MYH8: variants seen among roughly 807,000 people sequenced by gnomAD.
The protein encoded by MYH8 is myosin-8.
MYH8 carries 168 observed loss-of-function variants against 233.2 expected under a neutral mutation model. The ratio of observed to expected loss-of-function variants is 0.72; its 90% CI spans 0.64 to 0.82. The LOEUF is 0.82. MYH8 is among the 40% of genes least tolerant of loss of function. MYH8 has a pLI of 0.00. For synonymous variants in MYH8, 785 were observed against 850.6 expected (o/e 0.92, Z 1.34); for missense variants, 1,995 against 2,327.8 (o/e 0.86, Z 2.94).
chr17:10,415,844 C>T lies in MYH8; in HGVS notation c.512-136G>A. On this transcript the variant is annotated intron_variant, in intron 5 of 39. Coordinates refer to ENST00000403437, the MANE Select transcript of MYH8 (RefSeq NM_002472.3). This position sits in a 1 kb window ranked among gnomAD's most constrained non-coding sequence, Gnocchi z 4.1. ...CCTTTGGTTTTGATTTTGTGTTTATCCTCCAAAATAGCCAATTGCTTCTCA... is the reference window on the plus strand; with the variant it reads ...CCTTTGGTTTTGATTTTGTGTTTATTCTCCAAAATAGCCAATTGCTTCTCA... The T allele has an allele frequency of 1.0e-6, 1 of 963,796 alleles. No homozygotes were observed. The highest frequency in any genetic ancestry group is 1.5e-5 in the South Asian group (1 of 65,764). The allele number at this position is 963,796 out of a possible 1,614,324, so 59.7% of individuals were successfully genotyped here. A position where few individuals can be genotyped will look rare whatever the true frequency, so the allele number is the denominator to read the frequency against.
intron 17 of MYH8, 134 bp downstream of exon 17, chr17:10,408,963 G>T: frequency 1.3e-6 from 1 of 798,090 alleles, no homozygotes; most frequent in Non-Finnish European, 2.1e-6. Flanking sequence ...TATTTCTTTG[G>T]CTATACTCTG....
rs939463694 is a variant in MYH8, at chr17:10,420,115, G to A, written c.113C>T (p.Thr38Ile). 6.2e-7 allele frequency: 1 copy of A among 1,614,238 alleles called. No homozygotes were observed. Among genetic ancestry groups the A allele is most frequent in the Non-Finnish European group, 8.5e-7 (1 of 1,180,038 alleles). ...CTTGGGCTCCGCCACAAAGACAGAT[G>A]TTTTAGCATCAAACGGCTTGTTTTG... ...EAQNKPFDAK[T>I]SVFVAEPKES... The change falls in exon 3 of 40, where the codon ACA becomes ATA. Residue 38 changes from threonine to isoleucine, a missense_variant. Coordinates refer to ENST00000403437, the MANE Select transcript of MYH8 (RefSeq NM_002472.3).
At chr17:10,392,019 A>T (rs2072030234) in intron 38 of MYH8, 42 bp from the exon 39 acceptor site, 2 of 1,518,964 alleles carry the variant, frequency 1.3e-6, no homozygotes, top group Non-Finnish European at 1.8e-6. Flanking sequence ...TTCCGAAGAG[A>T]TAAGGCTACT....
intron 19 of MYH8, 92 bp downstream of exon 19, chr17:10,406,585 ACCTGTTGTATTAT>A: frequency 7.4e-7 from 1 of 1,348,062 alleles, no homozygotes; most frequent in South Asian, 1.2e-5. Context: ...TATCCTTCTA[ACCTGTTGTATTAT>A]CCTACCACCA....
At chr17:10,393,995 T>TTTTTTTTC (rs2072054594) in intron 35 of MYH8, among the ~76,000 whole-genome samples, 1 of 121,178 alleles carries the variant, frequency 8.3e-6, no homozygotes, top group African/African-American at 3.2e-5. Flanking sequence ...TAATAGCTTT[T>TTTTTTTTC]TTTTTTTTTT....
rs1236792341 is a variant in MYH8, at chr17:10,414,540, T to C, written c.806-56A>G. Reference sequence around the variant, plus strand: ...AAAAGTATCAATGCTTCTGAGATAGTAAATGAACCTCACGTCTTTGGTCAA... The same window carrying C: ...AAAAGTATCAATGCTTCTGAGATAGCAAATGAACCTCACGTCTTTGGTCAA... On this transcript the variant is annotated intron_variant, in intron 9 of 39. Transcript: ENST00000403437. 6 of 1,168,012 alleles carry C rather than the reference T, an allele frequency of 5.1e-6. No individual in the cohort carries two copies. The African/African-American group carries it at 6.1e-5, about 12-fold the overall frequency. The allele number at this position is 1,168,012 out of a possible 1,614,324, so 72.4% of individuals were successfully genotyped here. A position where few individuals can be genotyped will look rare whatever the true frequency, so the allele number is the denominator to read the frequency against.
intron 19 of MYH8, 119 bp downstream of exon 19, chr17:10,406,571 C>G: frequency 7.4e-7 from 1 of 1,346,124 alleles, no homozygotes; most frequent in Admixed American, 1.7e-5. Context: ...TGCCTGCTTC[C>G]TGTTATCCTT....
Position 10,400,689 on chromosome 17 carries a change from G to A in MYH8, c.3436C>T (p.Leu1146=). 3 of 1,614,124 alleles carry A rather than the reference G, an allele frequency of 1.9e-6. No individual in the cohort carries two copies. The highest frequency in any genetic ancestry group is 1.1e-5 in the South Asian group (1 of 91,070). Residue 1146 remains leucine, a synonymous_variant, in exon 27 of 40, where the codon CTG becomes TTG. Transcript: ENST00000403437. The surrounding 1 kb of genome is among the most constrained non-coding windows in gnomAD (Gnocchi z 4.0). Reference sequence around the variant, plus strand: ...TCCAGCCTCTCGCTGATCTCCTCCAGTTCCCGGGAGAGGTCAGAGCGCTGC... The same window carrying A: ...TCCAGCCTCTCGCTGATCTCCTCCAATTCCCGGGAGAGGTCAGAGCGCTGC... The part of the protein sequence containing the change: ...EKQRSDLSRE[L]EEISERLEEA...
chr17:10,404,371 G>C lies in MYH8; in HGVS notation c.2647C>G (p.Leu883Val). Residue 883 changes from leucine to valine, a missense_variant, in exon 22 of 40, where the codon CTC becomes GTC. Around this residue, in one of 3 missense-constraint regions of MYH8, gnomAD observed 1,498 missense variants for 1,680.9 expected, o/e 0.89. Transcript: ENST00000403437. ...TGCAGGTCATTTTTCTCTTTTAAGAGAGTGACCATTTTTTCCTCTAGCTCC... is the reference window on the plus strand; with the variant it reads ...TGCAGGTCATTTTTCTCTTTTAAGACAGTGACCATTTTTTCCTCTAGCTCC... ...RKELEEKMVT[L>V]LKEKNDLQLQ... is the part of the protein sequence containing the mutation. The C allele has an allele frequency of 1.9e-6, 3 of 1,613,974 alleles. No homozygotes were observed. The highest frequency in any genetic ancestry group is 1.6e-4 in the Middle Eastern group (1 of 6,062).
intron 12 of MYH8, 116 bp downstream of exon 12, chr17:10,413,786 G>T: frequency 7.0e-7 from 1 of 1,431,084 alleles, no homozygotes; most frequent in Non-Finnish European, 9.8e-7. Context: ...GTGTGTAAAT[G>T]TGTATATGCC....
At chr17:10,412,243 A>C in intron 14 of MYH8, 127 bp downstream of exon 14, 1 of 1,573,156 alleles carries the variant, frequency 6.4e-7, no homozygotes, top group Non-Finnish European at 8.7e-7. Flanking sequence ...TTTGGAGATA[A>C]CCTTTGTTCT....
intron 22 of MYH8, among the ~76,000 whole-genome samples, chr17:10,403,163 C>T (rs751681801): frequency 1.3e-5 from 2 of 152,038 alleles, no homozygotes; most frequent in Non-Finnish European, 2.9e-5. Flanking sequence ...CTAGATTTAC[C>T]AGTTGCTAAG....
Position 10,392,926 on chromosome 17 carries a change from C to T in MYH8, c.5368G>A (p.Glu1790Lys), listed in dbSNP as rs1287040846. 6.2e-7 allele frequency: 1 copy of T among 1,614,080 alleles called. No homozygotes were observed. Among genetic ancestry groups the T allele is most frequent in the African/African-American group, 1.3e-5 (1 of 74,918 alleles). The change falls in exon 37 of 40, where the codon GAG (glutamate) becomes AAG (lysine). Residue 1790 changes from glutamate to lysine, a missense_variant. Physicochemically the swap from Glu to Lys is moderately conservative, Grantham distance 56. Transcript: ENST00000403437. ...AHLERMKKNL[E>K]QTVKDLQHRL... ...TGCTGCAGGTCCTTCACCGTCTGCT[C>T]CAGGTTCTTCTTCATCCGCTCCAGG...
At chr17:10,391,259 A>G (rs1162475002) in intron 39 of MYH8, among the ~76,000 whole-genome samples, 1 of 152,214 alleles carries the variant, frequency 6.6e-6, no homozygotes, top group Non-Finnish European at 1.5e-5. Context: ...GATTTTTTCT[A>G]TGTCTAGAGG....
At chr17:10,413,491 A>G (rs918803119) in intron 12 of MYH8, among the ~76,000 whole-genome samples, 1 of 152,162 alleles carries the variant, frequency 6.6e-6, no homozygotes, top group Non-Finnish European at 1.5e-5. Context: ...TTGCTTACAG[A>G]TGACTCTAGG....
chr17:10,398,191 T>C (rs1331744005), intron 30 of MYH8, among the ~76,000 whole-genome samples: 1 of 152,206 alleles, frequency 6.6e-6, no homozygotes, highest in African/African-American at 2.4e-5. Context: ...ATTAAGCAGA[T>C]ACTTTTGGGT....
Position 10,404,485 on chromosome 17 carries a change from T to C in MYH8, c.2533A>G (p.Ser845Gly), listed in dbSNP as rs1439837914. 4 of 1,614,116 alleles carry C rather than the reference T, an allele frequency of 2.5e-6. No individual in the cohort carries two copies. Among genetic ancestry groups the C allele is most frequent in the Non-Finnish European group, 3.4e-6 (4 of 1,179,976 alleles). Reference protein sequence around the residue: ...LFFKIKPLLKSAETEKEMATM... With the variant: ...LFFKIKPLLKGAETEKEMATM... ...GCCATCTCTTTCTCGGTCTCTGCAC[T>C]CTTGAGGAGGGGCTTAATCTTGAAA... The change falls in exon 22 of 40, where the codon AGT becomes GGT. Residue 845 changes from serine (S) to glycine (G), a missense_variant. Physicochemically the swap from Ser to Gly is moderately conservative, Grantham distance 56. Around this residue, in one of 3 missense-constraint regions of MYH8, gnomAD observed 1,498 missense variants for 1,680.9 expected, o/e 0.89. Coordinates refer to ENST00000403437, the MANE Select transcript of MYH8 (RefSeq NM_002472.3).
Position 10,396,553 on chromosome 17 carries a change from G to A in MYH8, c.4528C>T (p.Gln1510Ter), listed in dbSNP as rs202040130. 45 of 1,613,956 alleles carry A rather than the reference G, an allele frequency of 2.8e-5. 1 individual carries two copies. The highest frequency in any genetic ancestry group is 1.3e-4 in the South Asian group (12 of 91,056). ...AGTAGGGAGGACTGTGAGGACTCAC[G>A]TTGCAAGTTCTTATTTTCTCTTCTT... is the stretch of plus-strand genomic sequence containing the variant. ...TLRRENKNLQ[Q>*]EISDLTEQIA... The change falls in exon 32 of 40, where the codon CAG (glutamine) becomes TAG (stop). Residue 1510 changes from glutamine (Q) to a stop codon, truncating the protein, a stop_gained and splice_region_variant. Transcript: ENST00000403437. LOFTEE classifies it high-confidence loss of function. The surrounding 1 kb of genome is among the most constrained non-coding windows in gnomAD (Gnocchi z 4.2).
intron 17 of MYH8, among the ~76,000 whole-genome samples, chr17:10,407,796 G>A (rs371491205): frequency 6.6e-6 from 1 of 151,660 alleles, no homozygotes; most frequent in African/African-American, 2.4e-5. Context: ...CTGAGATTGT[G>A]TCACTGCACT....
Sources: gnomAD v4.1 joint callset for allele counts (sites outside exome capture counted in the v4.1 genomes callset) on GRCh38, gnomAD v4.1.1 for gene constraint, gnomAD v4.1.1 regional missense constraint, Gnocchi (gnomAD v3.1) non-coding constraint, MANE v1.5 for transcripts, NCBI Gene and HGNC (gene_info 2026-07-23, HGNC 2026-07-21) for gene names.